Variants in BTBD9 observed in about 807,000 individuals in gnomAD.
The protein encoded by BTBD9 is BTB domain containing 9.
A neutral mutation model predicts 64.3 loss-of-function variants in BTBD9; 49 were observed. That is an observed-to-expected ratio of 0.76 (90% CI 0.61 to 0.97). BTBD9 has a LOEUF of 0.97. Ranked by LOEUF, BTBD9 falls within the 50% of genes least tolerant of loss-of-function variation. The pLI is 0.00. For missense variants in BTBD9, 598 were observed against 762.1 expected, an observed-to-expected ratio of 0.78 and a Z score of 2.53; for synonymous variants, 260 against 274.7, an observed-to-expected ratio of 0.95 and a Z score of 0.53.
intron 6 of BTBD9, among the ~76,000 whole-genome samples, chr6:38,543,136 C>T (rs1774362779): frequency 6.6e-6 from 1 of 152,158 alleles, no homozygotes; most frequent in South Asian, 2.1e-4. Flanking sequence ...TACCAATCTA[C>T]AAAGGCTCTT....
intron 7 of BTBD9, among the ~76,000 whole-genome samples, chr6:38,294,969 AT>A (rs901122098): frequency 3.3e-5 from 5 of 150,052 alleles, no homozygotes; most frequent in Non-Finnish European, 5.9e-5. Flanking sequence ...GAAGTTGAAC[AT>A]TTTTTTTTCT....
chr6:38,190,208 G>C (rs569673827), intron 10 of BTBD9, among the ~76,000 whole-genome samples: 1 of 151,682 alleles, frequency 6.6e-6, no homozygotes, highest in African/African-American at 2.4e-5. Flanking sequence ...GCTCATGCCT[G>C]TAATCCTAGC....
chr6:38,341,003 C>A (rs1028657160), intron 7 of BTBD9, among the ~76,000 whole-genome samples: 1 of 152,088 alleles, frequency 6.6e-6, no homozygotes, highest in African/African-American at 2.4e-5. Flanking sequence ...AATTCAATGG[C>A]CAAAATCCAG....
rs548667260 is a variant in BTBD9, at chr6:38,396,494, G to T, written c.1155-51401C>A. Reference sequence around the variant, plus strand: ...AAAAAATTAGGGCGAAGCCGTGTCTGAACAACCTGCTGTGTGTCTTGCCAT... The same window carrying T: ...AAAAAATTAGGGCGAAGCCGTGTCTTAACAACCTGCTGTGTGTCTTGCCAT... On this transcript the variant is annotated intron_variant, in intron 6 of 10. Coordinates refer to ENST00000481247, the MANE Select transcript of BTBD9 (RefSeq NM_001099272.2). Among the ~76,000 whole-genome samples, 96 of 152,028 alleles carry T rather than the reference G, an allele frequency of 6.3e-4. 1 individual carries two copies. Among genetic ancestry groups the T allele is most frequent in the South Asian group, 6.2e-4 (3 of 4,804 alleles).
chr6:38,588,016 A>G, intron 4 of BTBD9: 1 of 739,902 alleles, frequency 1.4e-6, no homozygotes. Context: ...CACAGCAACC[A>G]CCATATACAG....
chr6:38,334,639 A>C (rs7740404), intron 7 of BTBD9, among the ~76,000 whole-genome samples: 7 of 145,904 alleles, frequency 4.8e-5, no homozygotes, highest in South Asian at 2.2e-4. Flanking sequence ...AAATAAATAA[A>C]ATAATAAAAT....
intron 4 of BTBD9, among the ~76,000 whole-genome samples, chr6:38,589,990 T>A (rs1485350649): frequency 1.3e-5 from 2 of 152,270 alleles, no homozygotes; most frequent in East Asian, 3.8e-4. Context: ...AGGTTTCAAC[T>A]CTTTTATCAC....
chr6:38,258,889 C>G (rs1181928794), intron 8 of BTBD9, among the ~76,000 whole-genome samples: 1 of 151,602 alleles, frequency 6.6e-6, no homozygotes, highest in Non-Finnish European at 1.5e-5. Context: ...GATTCTGTCT[C>G]AAAAAAACAA....
chr6:38,510,874 T>A (rs1304814794), intron 6 of BTBD9, among the ~76,000 whole-genome samples: 6 of 152,202 alleles, frequency 3.9e-5, no homozygotes, highest in Non-Finnish European at 7.3e-5. Flanking sequence ...ATGATAACAA[T>A]GCCTTCTTCC....
At chr6:38,237,623 C>A (rs908050243) in intron 9 of BTBD9, among the ~76,000 whole-genome samples, 1 of 152,080 alleles carries the variant, frequency 6.6e-6, no homozygotes, top group African/African-American at 2.4e-5. Context: ...AAGATGCCTA[C>A]AGAAACTAAT....
chr6:38,557,242 A>T (rs1775070561), intron 6 of BTBD9, among the ~76,000 whole-genome samples: 2 of 151,910 alleles, frequency 1.3e-5, no homozygotes, highest in Non-Finnish European at 2.9e-5. Context: ...GCTACTCAGG[A>T]GGCTGAGGCA....
At chr6:38,219,391 C>G in intron 9 of BTBD9, among the ~76,000 whole-genome samples, 1 of 151,794 alleles carries the variant, frequency 6.6e-6, no homozygotes, top group East Asian at 1.9e-4. Flanking sequence ...ATCCACCCAC[C>G]TCAGCCTCCC....
At chr6:38,192,939 A>G (rs1762141978) in intron 9 of BTBD9, among the ~76,000 whole-genome samples, 1 of 151,308 alleles carries the variant, frequency 6.6e-6, no homozygotes, top group Admixed American at 6.6e-5. Context: ...TGGCACTGGG[A>G]GATATACCTA....
At chr6:38,638,598 A>C (rs150758639) in intron 1 of BTBD9, among the ~76,000 whole-genome samples, 2 of 152,256 alleles carry the variant, frequency 1.3e-5, no homozygotes, top group African/African-American at 2.4e-5. Flanking sequence ...ATTCCGAGTA[A>C]TCTAATAAGT....
rs778375397 is a variant in BTBD9 at position 38,175,172 on chromosome 6, C to T, written c.1652G>A (p.Cys551Tyr). The T allele has an allele frequency of 6.2e-7, 1 of 1,614,206 alleles. No individual in the cohort carries two copies. The highest frequency in any genetic ancestry group is 1.7e-5 in the Admixed American group (1 of 60,026). Residue 551 changes from cysteine (C) to tyrosine (Y), a missense_variant, in exon 11 of 11, where the codon TGT becomes TAT. By Grantham distance (194) the Cys-to-Tyr change is radical (BLOSUM62 -2). Transcript: ENST00000481247. Reference protein sequence around the residue: ...THNTANEVFHCVHFECPEQQS... With the variant: ...THNTANEVFHYVHFECPEQQS... ...CTGCTCTGGACACTCAAAGTGGACA[C>T]AGTGGAACACCTGGGAGAGAAAAGG...
intron 1 of BTBD9, among the ~76,000 whole-genome samples, chr6:38,637,562 T>C (rs1778567778): frequency 6.6e-6 from 1 of 152,218 alleles, no homozygotes; most frequent in African/African-American, 2.4e-5. Flanking sequence ...TTTTACAGGA[T>C]CAGCAGTAAA....
intron 10 of BTBD9, among the ~76,000 whole-genome samples, chr6:38,190,638 G>T (rs1323197857): frequency 6.6e-6 from 1 of 152,084 alleles, no homozygotes; most frequent in East Asian, 1.9e-4. Context: ...CATTTAAAAT[G>T]GCTGGTCCAA....
At chr6:38,352,310 G>A (rs555235474) in intron 6 of BTBD9, among the ~76,000 whole-genome samples, 2 of 152,016 alleles carry the variant, frequency 1.3e-5, no homozygotes, top group Non-Finnish European at 2.9e-5. Flanking sequence ...CCAGGAAGTT[G>A]AGGCTGTAGT....
intron 6 of BTBD9, among the ~76,000 whole-genome samples, chr6:38,446,609 T>G (rs1769289253): frequency 6.6e-6 from 1 of 152,230 alleles, no homozygotes; most frequent in South Asian, 2.1e-4. Flanking sequence ...GTCACACTGA[T>G]ACTTGGCATT....
Sources: gnomAD v4.1 joint callset for allele counts (sites outside exome capture counted in the v4.1 genomes callset) on GRCh38, gnomAD v4.1.1 for gene constraint, MANE v1.5 for transcripts, NCBI Gene and HGNC (gene_info 2026-07-23, HGNC 2026-07-21) for gene names.